The following ST3GAL3 variants were observed in gnomAD, a reference collection of about 807,000 sequenced individuals.
ST3GAL3 encodes ST3 beta-galactoside alpha-2,3-sialyltransferase 3.
A neutral mutation model predicts 50.1 loss-of-function variants in ST3GAL3; 21 were observed. The observed-to-expected ratio is 0.42, with a 90% CI of 0.30 to 0.60. ST3GAL3 has a LOEUF of 0.60. Among genes scored for constraint, ST3GAL3 ranks in the 20% least tolerant of loss-of-function variants. ST3GAL3 has a pLI of 0.19. For missense variants in ST3GAL3, 353 were observed against 489.4 expected (o/e 0.72, Z 2.63); for synonymous variants, 183 against 190.0 (o/e 0.96, Z 0.30).
In ST3GAL3 at chr1:43,902,380, A is replaced by G. The variant is rs529115806; in HGVS notation, c.744+2653A>G. ...CTTTTAAAGCCTGTAACTTTCTAGT[A>G]CCCAGGAGTCCTCATAGGATATGGG... On this transcript the variant is annotated intron_variant, in intron 9 of 11. Coordinates refer to ENST00000347631, the MANE Select transcript of ST3GAL3 (RefSeq NM_006279.5). Among the ~76,000 whole-genome samples the G allele has an allele frequency of 2.6e-5, 4 of 152,298 alleles. No homozygotes were observed. The East Asian group carries it at 7.7e-4, about 29-fold the overall frequency.
chr1:43,845,481 CCT>C (rs2066094657), intron 5 of ST3GAL3, among the ~76,000 whole-genome samples: 1 of 151,822 alleles, frequency 6.6e-6, no homozygotes, highest in African/African-American at 2.4e-5. Context: ...GAGACAGAGT[CCT>C]CTCTTTCATG....
At chr1:43,801,469 C>T (rs1428036493) in intron 3 of ST3GAL3, 14 of 431,276 alleles carry the variant, frequency 3.2e-5, no homozygotes, top group Middle Eastern at 3.4e-4. Flanking sequence ...CAGGAACCTT[C>T]AAGAAGCTCT....
chr1:43,814,195 C>T (rs1275655078), intron 3 of ST3GAL3, among the ~76,000 whole-genome samples: 2 of 152,168 alleles, frequency 1.3e-5, no homozygotes, highest in African/African-American at 4.8e-5. Flanking sequence ...TTCACTTTTG[C>T]TCTTTTCCTT....
intron 2 of ST3GAL3, among the ~76,000 whole-genome samples, chr1:43,777,416 G>A (rs1697688392): frequency 6.6e-6 from 1 of 152,120 alleles, no homozygotes; most frequent in Non-Finnish European, 1.5e-5. Context: ...CTTGGTACTG[G>A]TACAAAAACA....
At chr1:43,709,664 A>T (rs1341762602) in intron 1 of ST3GAL3, 2 of 152,036 alleles carry the variant, frequency 1.3e-5, no homozygotes, top group Non-Finnish European at 2.9e-5. Context: ...AACATGATGA[A>T]ACCCCGTCTC....
intron 2 of ST3GAL3, among the ~76,000 whole-genome samples, chr1:43,775,778 C>G (rs925842791): frequency 5.3e-5 from 8 of 151,980 alleles, no homozygotes; most frequent in African/African-American, 1.9e-4. Context: ...ACCAAGGACA[C>G]AAACCAGGAG....
At chr1:43,908,127 G>C (rs2080130534) in intron 9 of ST3GAL3, among the ~76,000 whole-genome samples, 1 of 152,202 alleles carries the variant, frequency 6.6e-6, no homozygotes. Flanking sequence ...AAAAACCCGG[G>C]AAGCATCCTG....
At chr1:43,911,675 A>ATATCTG (rs1438051057) in intron 9 of ST3GAL3, among the ~76,000 whole-genome samples, 369 of 150,010 alleles carry the variant, frequency 2.5e-3, no homozygotes, top group Middle Eastern at 6.9e-3. Flanking sequence ...ATCTATAGAT[A>ATATCTG]TAGATATAGA....
intron 2 of ST3GAL3, among the ~76,000 whole-genome samples, chr1:43,749,939 C>T (rs147904016): frequency 6.6e-6 from 1 of 152,214 alleles, no homozygotes; most frequent in Non-Finnish European, 1.5e-5. Flanking sequence ...GAAGAGAATA[C>T]TGGGGCTTTT....
chr1:43,854,606 C>T (rs1239531319), intron 5 of ST3GAL3, among the ~76,000 whole-genome samples: 1 of 152,152 alleles, frequency 6.6e-6, no homozygotes. Context: ...GTGCTGATGA[C>T]TCTCAATCTT....
intron 5 of ST3GAL3, chr1:43,851,221 C>A: frequency 6.5e-7 from 1 of 1,544,512 alleles, no homozygotes; most frequent in Non-Finnish European, 8.9e-7. Flanking sequence ...CTGGGTTCAC[C>A]TTATAGGGCA....
intron 4 of ST3GAL3, among the ~76,000 whole-genome samples, chr1:43,816,012 C>T (rs1328150665): frequency 1.3e-5 from 2 of 152,080 alleles, no homozygotes; most frequent in Non-Finnish European, 2.9e-5. Flanking sequence ...GTGTTCATGT[C>T]CCTGCAAGCC....
intron 5 of ST3GAL3, among the ~76,000 whole-genome samples, chr1:43,884,806 A>G (rs1290031379): frequency 6.6e-6 from 1 of 152,186 alleles, no homozygotes; most frequent in Non-Finnish European, 1.5e-5. Context: ...CCAACCAACC[A>G]GGCACAGATG....
intron 3 of ST3GAL3, among the ~76,000 whole-genome samples, chr1:43,812,820 G>A (rs1234086582): frequency 6.6e-6 from 1 of 152,144 alleles, no homozygotes; most frequent in African/African-American, 2.4e-5. Flanking sequence ...GAGACGTGAA[G>A]GGACAGACTT....
At chr1:43,873,287 C>G (rs2073388562) in intron 5 of ST3GAL3, among the ~76,000 whole-genome samples, 1 of 152,034 alleles carries the variant, frequency 6.6e-6, no homozygotes, top group African/African-American at 2.4e-5. Context: ...AGGTTTGCTG[C>G]CAGCACAGGT....
At chr1:43,833,555 T>C (rs1209771171) in intron 4 of ST3GAL3, among the ~76,000 whole-genome samples, 1 of 152,118 alleles carries the variant, frequency 6.6e-6, no homozygotes, top group Non-Finnish European at 1.5e-5. Flanking sequence ...TAAGTACTAG[T>C]ATAATCCCAC....
chr1:43,811,265 C>T (rs951199627), intron 3 of ST3GAL3, among the ~76,000 whole-genome samples: 4 of 152,150 alleles, frequency 2.6e-5, no homozygotes, highest in Admixed American at 6.5e-5. Context: ...TCCCTCCTCT[C>T]CCAGCTACTA....
At chr1:43,823,350 T>A (rs2062354777) in intron 4 of ST3GAL3, among the ~76,000 whole-genome samples, 1 of 152,224 alleles carries the variant, frequency 6.6e-6, no homozygotes, top group Non-Finnish European at 1.5e-5. Context: ...TTCTTGTTTA[T>A]TGTTTTATCC....
intron 5 of ST3GAL3, among the ~76,000 whole-genome samples, chr1:43,889,315 G>A (rs772777647): frequency 4.0e-5 from 6 of 151,864 alleles, no homozygotes; most frequent in Non-Finnish European, 7.4e-5. Flanking sequence ...TAGAAGTAAC[G>A]GGACAGAGAT....
Sources: allele counts gnomAD v4.1 joint callset (sites outside exome capture counted in the v4.1 genomes callset), GRCh38; gene constraint gnomAD v4.1.1; transcripts MANE v1.5; gene names NCBI Gene and HGNC (gene_info 2026-07-23, HGNC 2026-07-21).